The following DACH1 variants were observed in gnomAD, a reference collection of about 807,000 sequenced individuals.
DACH1 encodes dachshund homolog 1.
DACH1 carries 12 observed loss-of-function variants against 54.2 expected under a neutral mutation model. The ratio of observed to expected loss-of-function variants is 0.22; its 90% confidence interval spans 0.14 to 0.36. The LOEUF (loss-of-function observed/expected upper bound fraction) is 0.36. Ranked by LOEUF, DACH1 falls within the 10% of genes least tolerant of loss-of-function variation. DACH1 has a pLI of 1.00. For missense variants in DACH1, 805 were observed against 929.8 expected, an observed-to-expected ratio of 0.87 and a Z score of 1.75; for synonymous variants, 386 against 366.2, an observed-to-expected ratio of 1.05 and a Z score of -0.62.
At chr13:71,756,247 G>A (rs1166769804) in intron 1 of DACH1, among the ~76,000 whole-genome samples, 1 of 151,592 alleles carries the variant, frequency 6.6e-6, no homozygotes, top group Non-Finnish European at 1.5e-5. Flanking sequence ...TTCTCACAGT[G>A]TTAGCCAGGA....
intron 2 of DACH1, among the ~76,000 whole-genome samples, chr13:71,677,099 C>T (rs977093227): frequency 2.0e-5 from 3 of 151,652 alleles, no homozygotes; most frequent in African/African-American, 7.3e-5. Context: ...AATACACTAT[C>T]CAAATTGCAT....
chr13:71,469,105 C>T (rs1040974112), intron 10 of DACH1, among the ~76,000 whole-genome samples: 4 of 152,076 alleles, frequency 2.6e-5, no homozygotes, highest in African/African-American at 9.7e-5. Flanking sequence ...TCATAAATCT[C>T]GATTCAATGC....
chr13:71,837,410 T>C (rs117499275), intron 1 of DACH1, among the ~76,000 whole-genome samples: 1 of 76,210 alleles, frequency 1.3e-5, no homozygotes, highest in Non-Finnish European at 2.3e-5. Context: ...AAATATGGGT[T>C]TTTTTTAACA....
intron 1 of DACH1, among the ~76,000 whole-genome samples, chr13:71,736,544 G>T (rs766171703): frequency 2.0e-5 from 3 of 152,086 alleles, no homozygotes; most frequent in Non-Finnish European, 4.4e-5. Flanking sequence ...AATGGGGCCC[G>T]ATATACTTGA....
chr13:71,657,221 G>T (rs566066388), intron 2 of DACH1, among the ~76,000 whole-genome samples: 58 of 152,058 alleles, frequency 3.8e-4, no homozygotes, highest in African/African-American at 1.3e-3. Flanking sequence ...ATGTCTCCTA[G>T]TATGGTGCAT....
At chr13:71,814,013 A>T (rs760869124) in intron 1 of DACH1, among the ~76,000 whole-genome samples, 16 of 152,210 alleles carry the variant, frequency 1.1e-4, no homozygotes, top group Non-Finnish European at 2.2e-4. Flanking sequence ...AGGGCAAAGG[A>T]TAAAATTAAT....
chr13:71,525,611 A>C (rs1165475004), intron 6 of DACH1, among the ~76,000 whole-genome samples: 1 of 152,142 alleles, frequency 6.6e-6, no homozygotes, highest in Non-Finnish European at 1.5e-5. Context: ...TCAAAACAAA[A>C]TAATAAGTGT....
chr13:71,585,632 C>A lies in DACH1; in HGVS notation c.1127-12620G>T, dbSNP rs374675169. Among the ~76,000 whole-genome samples the A allele has an allele frequency of 1.4e-4, 21 of 152,136 alleles. No individual in the cohort carries two copies. The East Asian group carries it at 2.5e-3, about 18-fold the overall frequency. On this transcript the variant is annotated intron_variant, in intron 3 of 10. Coordinates refer to ENST00000613252, the MANE Select transcript of DACH1 (RefSeq NM_080759.6). ...TACCTCAATTGACTAGAGGAGAGAACACATATTAGGAAAGTCTGAGAAGTC... is the reference window on the plus strand; with the variant it reads ...TACCTCAATTGACTAGAGGAGAGAAAACATATTAGGAAAGTCTGAGAAGTC...
intron 4 of DACH1, among the ~76,000 whole-genome samples, chr13:71,564,707 C>T (rs1884800220): frequency 6.6e-6 from 1 of 152,100 alleles, no homozygotes; most frequent in Non-Finnish European, 1.5e-5. Flanking sequence ...CAGTTCTCCT[C>T]TCTGCACCTT....
At chr13:71,661,900 T>TA (rs1879517519) in intron 2 of DACH1, among the ~76,000 whole-genome samples, 1 of 152,012 alleles carries the variant, frequency 6.6e-6, no homozygotes, top group South Asian at 2.1e-4. Context: ...AATGGAGAAT[T>TA]AATCTGTAAC....
At chr13:71,787,780 C>T (rs933994401) in intron 1 of DACH1, among the ~76,000 whole-genome samples, 1 of 152,070 alleles carries the variant, frequency 6.6e-6, no homozygotes, top group Non-Finnish European at 1.5e-5. Flanking sequence ...TTTTGCGTAA[C>T]ATTCTCATTG....
chr13:71,718,405 C>T (rs966294512), intron 1 of DACH1, among the ~76,000 whole-genome samples: 13 of 151,798 alleles, frequency 8.6e-5, no homozygotes, highest in African/African-American at 1.9e-4. Context: ...GGCAACATAG[C>T]GAGACCTCAT....
At chr13:71,567,316 T>C (rs1262480432) in intron 4 of DACH1, among the ~76,000 whole-genome samples, 1 of 152,070 alleles carries the variant, frequency 6.6e-6, no homozygotes, top group African/African-American at 2.4e-5. Flanking sequence ...CAGTTCTATG[T>C]TATCTCTGAA....
intron 1 of DACH1, among the ~76,000 whole-genome samples, chr13:71,686,433 T>C (rs573470083): frequency 3.7e-4 from 56 of 152,268 alleles, no homozygotes; most frequent in African/African-American, 1.3e-3. Context: ...TTTATAACAC[T>C]AAATCAATCT....
chr13:71,448,309 T>C (rs1874653471), intron 10 of DACH1, among the ~76,000 whole-genome samples: 1 of 152,202 alleles, frequency 6.6e-6, no homozygotes, highest in Non-Finnish European at 1.5e-5. Context: ...ATATAAAATA[T>C]AGTAGCCGTG....
At chr13:71,712,447 T>A (rs1882763823) in intron 1 of DACH1, among the ~76,000 whole-genome samples, 1 of 152,150 alleles carries the variant, frequency 6.6e-6, no homozygotes, top group Admixed American at 6.5e-5. Flanking sequence ...TGTAATATTT[T>A]ATAGGCTCAG....
chr13:71,705,629 T>C (rs1468161833), intron 1 of DACH1, among the ~76,000 whole-genome samples: 1 of 152,212 alleles, frequency 6.6e-6, no homozygotes, highest in Non-Finnish European at 1.5e-5. Flanking sequence ...GATAGGCAAT[T>C]TGTTAGCTAC....
chr13:71,582,538 C>T (rs1566357581), intron 3 of DACH1, among the ~76,000 whole-genome samples: 1 of 152,078 alleles, frequency 6.6e-6, no homozygotes, highest in Non-Finnish European at 1.5e-5. Context: ...ATATGATAAT[C>T]AGTTAGGATA....
intron 3 of DACH1, among the ~76,000 whole-genome samples, chr13:71,583,227 G>A (rs904799151): frequency 6.6e-6 from 1 of 152,048 alleles, no homozygotes; most frequent in Non-Finnish European, 1.5e-5. Flanking sequence ...TGTCTGACTC[G>A]AGTGCTAAAC....
Sources: gnomAD v4.1 joint callset for allele counts (sites outside exome capture counted in the v4.1 genomes callset) on GRCh38, gnomAD v4.1.1 for gene constraint, MANE v1.5 for transcripts, NCBI Gene and HGNC (gene_info 2026-07-23, HGNC 2026-07-21) for gene names.